The following MNAT1 variants were observed in gnomAD, a reference collection of about 807,000 sequenced individuals.
MNAT1 encodes the protein MNAT1 component of CDK activating kinase.
A neutral mutation model predicts 42.0 loss-of-function variants in MNAT1; 43 were observed. That is an observed-to-expected ratio of 1.02 (90% CI 0.80 to 1.32). The LOEUF is 1.32. Ranked by LOEUF, MNAT1 falls within the 40% of genes most tolerant of loss-of-function variation. The probability of loss-of-function intolerance (pLI) is 0.00; values close to 1 mark genes in which losing one functional copy is unlikely to be tolerated. For missense variants in MNAT1, 306 were observed against 350.4 expected (o/e 0.87, Z 1.01); for synonymous variants, 118 against 120.0 (o/e 0.98, Z 0.11).
intron 1 of MNAT1, among the ~76,000 whole-genome samples, chr14:60,751,921 A>G (rs952443842): frequency 1.3e-5 from 2 of 152,184 alleles, no homozygotes; most frequent in Non-Finnish European, 2.9e-5. Context: ...TATATATTTA[A>G]TGAACTTGCT....
intron 7 of MNAT1, among the ~76,000 whole-genome samples, chr14:60,923,008 A>G (rs2035693595): frequency 1.3e-5 from 2 of 152,224 alleles, no homozygotes; most frequent in Non-Finnish European, 2.9e-5. Flanking sequence ...CCTAGGGCTC[A>G]GTAGATACAT....
intron 7 of MNAT1, among the ~76,000 whole-genome samples, chr14:60,884,698 C>T (rs978265979): frequency 2.6e-5 from 4 of 151,966 alleles, no homozygotes; most frequent in African/African-American, 9.7e-5. Context: ...ATTGATTTAT[C>T]TTTTAGTTTT....
intron 3 of MNAT1, among the ~76,000 whole-genome samples, chr14:60,800,381 CAAAATTTTA>C (rs2032163354): frequency 6.6e-6 from 1 of 151,782 alleles, no homozygotes; most frequent in Non-Finnish European, 1.5e-5. Flanking sequence ...AGATCTATAC[CAAAATTTTA>C]AAAAGTAGCT....
intron 1 of MNAT1, among the ~76,000 whole-genome samples, chr14:60,785,472 C>T (rs1208549814): frequency 6.6e-6 from 1 of 152,096 alleles, no homozygotes; most frequent in African/African-American, 2.4e-5. Context: ...GTTGAGCAAA[C>T]ATTGATATAC....
At chr14:60,888,490 C>A (rs967349707) in intron 7 of MNAT1, among the ~76,000 whole-genome samples, 7 of 152,088 alleles carry the variant, frequency 4.6e-5, no homozygotes, top group African/African-American at 7.3e-5. Flanking sequence ...TAGCCAATAT[C>A]ATACAGAATG....
At chr14:60,838,489 T>C (rs567317094) in intron 6 of MNAT1, among the ~76,000 whole-genome samples, 1 of 152,336 alleles carries the variant, frequency 6.6e-6, no homozygotes, top group East Asian at 1.9e-4. Context: ...GTTTTTATTA[T>C]TTCTTTTCTT....
At chr14:60,781,865 G>A (rs187743224) in intron 1 of MNAT1, among the ~76,000 whole-genome samples, 30 of 151,066 alleles carry the variant, frequency 2.0e-4, no homozygotes, top group Middle Eastern at 3.4e-3. Flanking sequence ...AGTGTCTCAA[G>A]TATTTATTTA....
chr14:60,899,600 T>G (rs1485550411), intron 7 of MNAT1, among the ~76,000 whole-genome samples: 1 of 152,202 alleles, frequency 6.6e-6, no homozygotes, highest in African/African-American at 2.4e-5. Context: ...GCACTATTAA[T>G]TTTGTTTTCT....
chr14:60,939,464 A>T (rs894045291), intron 7 of MNAT1, among the ~76,000 whole-genome samples: 5 of 151,978 alleles, frequency 3.3e-5, no homozygotes, highest in Non-Finnish European at 5.9e-5. Context: ...AGAACATCTT[A>T]ATTTCTGCCT....
chr14:60,918,805 G>C lies in MNAT1; in HGVS notation c.809+38970G>C, dbSNP rs1379715536. 4.0e-5 allele frequency among the ~76,000 whole-genome samples: 6 copies of C among 150,238 alleles called. No individual in the cohort carries two copies. In the East Asian group the frequency reaches 1.0e-3, roughly 25 times the overall value. The stretch of plus-strand genomic sequence containing the variant: ...TTGAGTGACTGCAAATGGGCATGAG[G>C]GATCTGCTTTGAAGTGATGAAAATG... On this transcript the variant is annotated intron_variant, in intron 7 of 7. Coordinates refer to ENST00000261245, the MANE Select transcript of MNAT1 (RefSeq NM_002431.4).
chr14:60,842,898 G>A (rs925183845), intron 6 of MNAT1, among the ~76,000 whole-genome samples: 3 of 152,122 alleles, frequency 2.0e-5, no homozygotes, highest in Non-Finnish European at 4.4e-5. Context: ...GCATCCTATT[G>A]CATGTTGCTA....
intron 1 of MNAT1, among the ~76,000 whole-genome samples, chr14:60,755,441 C>T (rs953575252): frequency 6.6e-6 from 1 of 152,138 alleles, no homozygotes. Context: ...TGTGCCTGGC[C>T]TAATTTTTTA....
chr14:60,753,368 C>T (rs747731703), intron 1 of MNAT1, among the ~76,000 whole-genome samples: 1 of 152,184 alleles, frequency 6.6e-6, no homozygotes, highest in Non-Finnish European at 1.5e-5. Flanking sequence ...ATACAGTATT[C>T]ACAGTATGCA....
chr14:60,835,006 T>A (rs903197392), intron 6 of MNAT1, among the ~76,000 whole-genome samples: 6 of 69,912 alleles, frequency 8.6e-5, no homozygotes, highest in African/African-American at 3.1e-4. Flanking sequence ...CCTCCCTCCC[T>A]CCCTCTCTCT....
chr14:60,887,633 C>A (rs1010393515), intron 7 of MNAT1, among the ~76,000 whole-genome samples: 4 of 151,708 alleles, frequency 2.6e-5, no homozygotes, highest in African/African-American at 9.7e-5. Flanking sequence ...CACAAAAAAC[C>A]CTTCAAAAAA....
chr14:60,916,530 CT>C (rs1399343359), intron 7 of MNAT1, among the ~76,000 whole-genome samples: 6 of 152,178 alleles, frequency 3.9e-5, no homozygotes, highest in African/African-American at 9.7e-5. Context: ...TGGCATGCAT[CT>C]GTGTTCCCAG....
In MNAT1 at chr14:60,843,829, A is replaced by C. The variant is rs189899560; in HGVS notation, c.687+24982A>C. Among the ~76,000 whole-genome samples the C allele has an allele frequency of 5.8e-3, 890 of 152,184 alleles. 6 individuals are homozygous for C. Among genetic ancestry groups the C allele is most frequent in the Middle Eastern group, 0.014 (4 of 294 alleles). On this transcript the variant is annotated intron_variant, in intron 6 of 7. Transcript: ENST00000261245. ...TCAGATTTATGAATGTTTTTCTTTT[A>C]AGGTAATTTTTGTGTCCTATCTAAG...
chr14:60,839,805 G>A (rs1423475476), intron 6 of MNAT1, among the ~76,000 whole-genome samples: 3 of 152,242 alleles, frequency 2.0e-5, no homozygotes, highest in Non-Finnish European at 4.4e-5. Context: ...AGTGCCTGGA[G>A]CTGCCCACCC....
At chr14:60,890,142 A>G (rs2034799573) in intron 7 of MNAT1, among the ~76,000 whole-genome samples, 1 of 152,206 alleles carries the variant, frequency 6.6e-6, no homozygotes, top group East Asian at 1.9e-4. Context: ...CTATAAAGAC[A>G]CATGCACACA....
Sources: allele counts gnomAD v4.1 joint callset (sites outside exome capture counted in the v4.1 genomes callset), GRCh38; gene constraint gnomAD v4.1.1; transcripts MANE v1.5; gene names NCBI Gene and HGNC (gene_info 2026-07-23, HGNC 2026-07-21).